The following DTX1 variants were observed in gnomAD, a reference collection of about 807,000 sequenced individuals.
DTX1 encodes the protein E3 ubiquitin-protein ligase DTX1.
Under a neutral mutation model 57.8 loss-of-function variants are expected in DTX1, and 26 were observed. That is an observed-to-expected ratio of 0.45 (90% CI 0.33 to 0.62). The LOEUF (loss-of-function observed/expected upper bound fraction) is 0.62. DTX1 is among the 20% of genes least tolerant of loss of function. The pLI is 0.02. For synonymous variants in DTX1, 398 were observed against 394.1 expected, an observed-to-expected ratio of 1.01 and a Z score of -0.12; for missense variants, 704 against 895.3, an observed-to-expected ratio of 0.79 and a Z score of 2.73.
In DTX1 at chr12:113,093,058, C is replaced by T; in HGVS notation, c.942-104C>T. 1.7e-6 allele frequency: 2 copies of T among 1,159,008 alleles called. No individual in the cohort carries two copies. The highest frequency in any genetic ancestry group is 2.5e-6 in the Non-Finnish European group (2 of 800,758). The allele number at this position is 1,159,008 out of a possible 1,614,324, so 71.8% of individuals were successfully genotyped here. On this transcript the variant is annotated intron_variant, in intron 3 of 9. Coordinates refer to ENST00000548759, the MANE Select transcript of DTX1 (RefSeq NM_004416.3). This position sits in a 1 kb window ranked among gnomAD's most constrained non-coding sequence, Gnocchi z 4.2. Reference sequence around the variant, plus strand: ...CAGTTGGCAGAGAGGTACAAAGAGGCCAGGGTGTGTGGCCCAGGAGCCAGA... The same window carrying T: ...CAGTTGGCAGAGAGGTACAAAGAGGTCAGGGTGTGTGGCCCAGGAGCCAGA...
intron 3 of DTX1, among the ~76,000 whole-genome samples, chr12:113,083,322 T>C (rs2044831503): frequency 6.6e-6 from 1 of 152,196 alleles, no homozygotes; most frequent in Non-Finnish European, 1.5e-5. Flanking sequence ...TCTCCTTTTA[T>C]AATTTACCAA....
intron 3 of DTX1, among the ~76,000 whole-genome samples, chr12:113,080,222 G>A (rs1450231543): frequency 6.6e-6 from 1 of 152,226 alleles, no homozygotes; most frequent in Non-Finnish European, 1.5e-5. Flanking sequence ...CAGACTTGAG[G>A]GGGTCAAAGA....
Position 113,057,957 on chromosome 12 carries a change from G to A in DTX1, c.-236G>A, listed in dbSNP as rs771282138. On this transcript the variant is annotated 5_prime_UTR_variant, in exon 2 of 10. Transcript: ENST00000548759. ...CATAAGAGAGACACTTGCTTTCCAGGGCAGCACCCTTTATCGGAGAAGGCT... is the reference window on the plus strand; with the variant it reads ...CATAAGAGAGACACTTGCTTTCCAGAGCAGCACCCTTTATCGGAGAAGGCT... The A allele has an allele frequency of 2.4e-5, 15 of 633,182 alleles. No homozygotes were observed. The African/African-American group carries it at 2.6e-4, about 11-fold the overall frequency. The allele number at this position is 633,182 out of a possible 1,614,324, so 39.2% of individuals were successfully genotyped here. A position where few individuals can be genotyped will look rare whatever the true frequency, so the allele number is the denominator to read the frequency against.
intron 3 of DTX1, among the ~76,000 whole-genome samples, chr12:113,078,769 C>G (rs1192101280): frequency 1.3e-5 from 2 of 152,106 alleles, no homozygotes; most frequent in Non-Finnish European, 2.9e-5. Flanking sequence ...CACATGGTGG[C>G]TCGAGCAAGC....
intron 3 of DTX1, among the ~76,000 whole-genome samples, chr12:113,086,925 C>T (rs2044863501): frequency 1.3e-5 from 2 of 151,414 alleles, no homozygotes; most frequent in Admixed American, 1.3e-4. Context: ...CCCACCCTGC[C>T]CCCCACCTGA....
In DTX1 at chr12:113,056,756, C is replaced by G. The variant is rs2044625736; in HGVS notation, c.-933C>G. 6.6e-6 allele frequency: 1 copy of G among 152,286 alleles called. No individual in the cohort carries two copies. The highest frequency in any genetic ancestry group is 2.4e-5 in the African/African-American group (1 of 41,568). The allele number at this position is 152,286 out of a possible 1,614,324, so 9.4% of individuals were successfully genotyped here. A position where few individuals can be genotyped will look rare whatever the true frequency, so the allele number is the denominator to read the frequency against. ...CCCGCGAGATCCCGGCGGCCGCCAG[C>G]CGGCTCCTGCGTCCGTCCGTCGGCC... On this transcript the variant is annotated 5_prime_UTR_variant, in exon 1 of 10. Coordinates refer to ENST00000548759, the MANE Select transcript of DTX1 (RefSeq NM_004416.3).
chr12:113,065,176 G>A lies in DTX1; in HGVS notation c.259+6725G>A, dbSNP rs1442244077. Among the ~76,000 whole-genome samples, 4 of 152,292 alleles carry A rather than the reference G, an allele frequency of 2.6e-5. No homozygotes were observed. In the South Asian group the frequency reaches 8.3e-4, roughly 32 times the overall value. On this transcript the variant is annotated intron_variant, in intron 2 of 9. Transcript: ENST00000548759. The stretch of plus-strand genomic sequence containing the variant: ...CTGCAGGACCAGCCTCATTAATCAC[G>A]GGCCCTTGGAGCTGGAGCAGGTGGG...
chr12:113,064,380 T>C (rs185468961), intron 2 of DTX1, among the ~76,000 whole-genome samples: 1 of 152,210 alleles, frequency 6.6e-6, no homozygotes, highest in African/African-American at 2.4e-5. Flanking sequence ...TGAAACTAAA[T>C]TCATCGCTCG....
chr12:113,066,849 C>G (rs1463674853), intron 2 of DTX1, among the ~76,000 whole-genome samples: 1 of 152,058 alleles, frequency 6.6e-6, no homozygotes, highest in Non-Finnish European at 1.5e-5. Flanking sequence ...AAGGAAGTCC[C>G]AGCATATAGG....
chr12:113,072,560 C>A (rs947491014), intron 2 of DTX1, among the ~76,000 whole-genome samples: 11 of 152,110 alleles, frequency 7.2e-5, no homozygotes, highest in African/African-American at 2.2e-4. Flanking sequence ...CTGCTAAGCA[C>A]CTTTGCCTAT....
chr12:113,074,312 C>T (rs1234042235), intron 2 of DTX1, among the ~76,000 whole-genome samples: 3 of 152,152 alleles, frequency 2.0e-5, no homozygotes, highest in Non-Finnish European at 4.4e-5. Context: ...AGGAGGGCTG[C>T]ACTTTTAGAT....
rs2044779480 is a variant in DTX1, at chr12:113,077,350, G to C, written c.260-74G>C. ...CCCAACCTCCCGCCCACCCTTGCCTGGCTGTGGCCCGCCCTTCCAGCCGCG... is the reference window on the plus strand; with the variant it reads ...CCCAACCTCCCGCCCACCCTTGCCTCGCTGTGGCCCGCCCTTCCAGCCGCG... On this transcript the variant is annotated intron_variant, in intron 2 of 9. Transcript: ENST00000548759. The surrounding 1 kb of genome is among the most constrained non-coding windows in gnomAD (Gnocchi z 7.8). The C allele has an allele frequency of 6.2e-6, 9 of 1,453,550 alleles. No individual in the cohort carries two copies. In the South Asian group the frequency reaches 1.2e-4, roughly 20 times the overall value. 90.0% of individuals were successfully genotyped at this position (1,453,550 alleles called of 1,614,324 possible). A position where few individuals can be genotyped will look rare whatever the true frequency, so the allele number is the denominator to read the frequency against.
chr12:113,093,436 A>ATGCCC lies in DTX1; in HGVS notation c.1004-103_1004-102insTGCCC. ...CTGAGTGGGTGGGGCCCAAGAGCGCAACCCTCCCACCCACCCGAGGGCCCC... is the reference window on the plus strand; with the variant it reads ...CTGAGTGGGTGGGGCCCAAGAGCGCATGCCCACCCTCCCACCCACCCGAGGGCCCC... On this transcript the variant is annotated intron_variant, in intron 4 of 9. Transcript: ENST00000548759. This position sits in a 1 kb window ranked among gnomAD's most constrained non-coding sequence, Gnocchi z 4.2. 1 of 876,276 alleles carries ATGCCC rather than the reference A, an allele frequency of 1.1e-6. No homozygotes were observed. The highest frequency in any genetic ancestry group is 1.7e-6 in the Non-Finnish European group (1 of 586,220). 54.3% of individuals were successfully genotyped at this position (876,276 alleles called of 1,614,324 possible). A position where few individuals can be genotyped will look rare whatever the true frequency, so the allele number is the denominator to read the frequency against.
intron 3 of DTX1, among the ~76,000 whole-genome samples, chr12:113,082,323 C>A (rs577095087): frequency 6.6e-6 from 1 of 152,332 alleles, no homozygotes; most frequent in South Asian, 2.1e-4. Context: ...CCAAGAAACC[C>A]CCCGGGGAAA....
chr12:113,068,394 C>T (rs777927732), intron 2 of DTX1, among the ~76,000 whole-genome samples: 4 of 152,100 alleles, frequency 2.6e-5, no homozygotes, highest in Non-Finnish European at 4.4e-5. Flanking sequence ...CCCCAAGGAG[C>T]GAGTGGTTTG....
intron 2 of DTX1, among the ~76,000 whole-genome samples, chr12:113,069,286 C>T (rs1030229770): frequency 9.9e-5 from 15 of 152,230 alleles, no homozygotes; most frequent in Admixed American, 5.2e-4. Flanking sequence ...GAATCCCCTG[C>T]TGGGTGTGTG....
At chr12:113,075,620 C>T (rs188980900) in intron 2 of DTX1, among the ~76,000 whole-genome samples, 9 of 152,284 alleles carry the variant, frequency 5.9e-5, no homozygotes, top group East Asian at 5.8e-4. Flanking sequence ...CAGGGGAGCA[C>T]GCAGAGCTTT....
chr12:113,093,810 A>G lies in DTX1; in HGVS notation c.1165+110A>G. 1 of 1,503,380 alleles carries G rather than the reference A, an allele frequency of 6.7e-7. No individual in the cohort carries two copies. Among genetic ancestry groups the G allele is most frequent in the South Asian group, 1.3e-5 (1 of 78,734 alleles). 93.1% of individuals were successfully genotyped at this position (1,503,380 alleles called of 1,614,324 possible). ...TCTTAGCATTTACTACCTCACCTCC[A>G]TTGCCTGATCTCAGCTCCCCTTGCC... On this transcript the variant is annotated intron_variant, in intron 5 of 9. Transcript: ENST00000548759. The surrounding 1 kb of genome is among the most constrained non-coding windows in gnomAD (Gnocchi z 4.2).
chr12:113,075,826 AAG>A (rs775671176), intron 2 of DTX1, among the ~76,000 whole-genome samples: 158 of 152,344 alleles, frequency 1.0e-3, no homozygotes, highest in Non-Finnish European at 1.9e-3. Flanking sequence ...TTAAAAAAAA[AAG>A]AATCCATTTG....
Sources: gnomAD v4.1 joint callset for allele counts (sites outside exome capture counted in the v4.1 genomes callset) on GRCh38, gnomAD v4.1.1 for gene constraint, Gnocchi (gnomAD v3.1) non-coding constraint, MANE v1.5 for transcripts, NCBI Gene and HGNC (gene_info 2026-07-23, HGNC 2026-07-21) for gene names.